The following CUX1 variants were observed in gnomAD, a reference collection of about 807,000 sequenced individuals.
The protein encoded by CUX1 is cut like homeobox 1.
Under a neutral mutation model 158.8 loss-of-function variants are expected in CUX1, and 31 were observed. The observed-to-expected ratio is 0.20, with a 90% CI of 0.15 to 0.26. CUX1 has a LOEUF of 0.26. Among genes scored for constraint, CUX1 ranks in the 10% least tolerant of loss-of-function variants. The probability of loss-of-function intolerance (pLI) is 1.00; values close to 1 mark genes in which losing one functional copy is unlikely to be tolerated. For synonymous variants in CUX1, 879 were observed against 862.1 expected (o/e 1.02, Z -0.34); for missense variants, 1,589 against 2,014.6 (o/e 0.79, Z 4.04).
chr7:102,210,188 C>T (rs1018268420), intron 20 of CUX1, among the ~76,000 whole-genome samples: 6 of 152,160 alleles, frequency 3.9e-5, no homozygotes, highest in African/African-American at 7.2e-5. Flanking sequence ...CCTACACCTC[C>T]GGGGTTCAAG....
chr7:102,195,636 G>A (rs782331123), intron 14 of CUX1, 33 bp downstream of exon 14: 5 of 1,564,948 alleles, frequency 3.2e-6, no homozygotes, highest in Non-Finnish European at 4.3e-6. Context: ...GTGTGCGGTG[G>A]TTGGTTCGCT....
At position 101,877,357 on chromosome 7, in the gene CUX1, GCCATGCACACTCTTGTGCA is replaced by G. The variant is rs1799249390; in HGVS notation, c.31-38757_31-38739del. Among the ~76,000 whole-genome samples the G allele has an allele frequency of 6.6e-5, 10 of 152,278 alleles. No homozygotes were observed. In the East Asian group the frequency reaches 1.7e-3, roughly 26 times the overall value. On this transcript the variant is annotated intron_variant, in intron 1 of 23. Coordinates refer to ENST00000292535, the MANE Select transcript of CUX1 (RefSeq NM_181552.4). ...CCTTTGTATGCACATAGTCTAGCAT[GCCATGCACACTCTTGTGCA>G]AGTGGCTTTTTATTTTTTAAAATTA...
intron 21 of CUX1, among the ~76,000 whole-genome samples, chr7:102,282,138 G>C (rs999250763): frequency 6.6e-6 from 1 of 152,176 alleles, no homozygotes; most frequent in Non-Finnish European, 1.5e-5. Flanking sequence ...CAGCCGGGCC[G>C]CTCCGTGAAA....
chr7:102,063,350 A>G (rs915416025), intron 3 of CUX1, among the ~76,000 whole-genome samples: 3 of 151,398 alleles, frequency 2.0e-5, no homozygotes, highest in African/African-American at 2.4e-5. Flanking sequence ...CTTACTACAC[A>G]GAGAACTCTT....
At chr7:101,950,806 C>G (rs1172166722) in intron 2 of CUX1, among the ~76,000 whole-genome samples, 1 of 152,202 alleles carries the variant, frequency 6.6e-6, no homozygotes, top group East Asian at 1.9e-4. Flanking sequence ...CCTGCCTTGC[C>G]TCCCAAAGTG....
chr7:102,282,914 C>T (rs1586548334), intron 22 of CUX1: 1 of 891,244 alleles, frequency 1.1e-6, no homozygotes, highest in East Asian at 2.7e-5. Context: ...TCCCCCTACC[C>T]CTACTCCCGG....
chr7:102,075,296 C>T (rs1269123911), intron 4 of CUX1, among the ~76,000 whole-genome samples: 1 of 152,212 alleles, frequency 6.6e-6, no homozygotes, highest in East Asian at 1.9e-4. Context: ...TACAGGGCGG[C>T]CAGACTCTTC....
At chr7:102,135,180 C>T (rs1260892440) in intron 8 of CUX1, among the ~76,000 whole-genome samples, 1 of 152,080 alleles carries the variant, frequency 6.6e-6, no homozygotes, top group East Asian at 1.9e-4. Context: ...GCTTTACTGA[C>T]AGCCTGCTAG....
intron 3 of CUX1, among the ~76,000 whole-genome samples, chr7:102,045,671 G>T (rs1416045079): frequency 6.6e-6 from 1 of 152,270 alleles, no homozygotes; most frequent in East Asian, 1.9e-4. Flanking sequence ...ATTGATTTCG[G>T]CCCAGAGCTC....
At chr7:101,874,178 C>A (rs1369135824) in intron 1 of CUX1, among the ~76,000 whole-genome samples, 1 of 152,196 alleles carries the variant, frequency 6.6e-6, no homozygotes, top group East Asian at 1.9e-4. Context: ...CGGATTATTG[C>A]AGGCAGGATG....
rs751045608 is a variant in CUX1 at position 102,242,280 on chromosome 7, C to T, written c.3887+2696C>T. The stretch of plus-strand genomic sequence containing the variant: ...AGGCTGGAGTACAGCAGCACGATCT[C>T]GGCTCACTGCAACCTCTGCCTCCTA... On this transcript the variant is annotated intron_variant, in intron 23 of 23. Transcript: ENST00000292535. Among the ~76,000 whole-genome samples the T allele has an allele frequency of 5.1e-4, 74 of 145,860 alleles. 1 individual carries two copies. The highest frequency in any genetic ancestry group is 9.4e-4 in the Non-Finnish European group (63 of 67,104).
At position 102,252,265 on chromosome 7, in the gene CUX1, G is replaced by A; in HGVS notation, c.*3223G>A. The A allele has an allele frequency of 1.0e-6, 1 of 985,390 alleles. No homozygotes were observed. Among genetic ancestry groups the A allele is most frequent in the Non-Finnish European group, 1.2e-6 (1 of 829,938 alleles). 61.0% of individuals were successfully genotyped at this position (985,390 alleles called of 1,614,324 possible). On this transcript the variant is annotated 3_prime_UTR_variant, in exon 24 of 24. Transcript: ENST00000292535. ...CCCCTCCTGGTTGGGCCCCTCAGTTGGAGTCTAAGGGTTAATCTCTCATCT... is the reference window on the plus strand; with the variant it reads ...CCCCTCCTGGTTGGGCCCCTCAGTTAGAGTCTAAGGGTTAATCTCTCATCT...
chr7:101,986,166 G>C (rs1441156184), intron 2 of CUX1, among the ~76,000 whole-genome samples: 1 of 152,212 alleles, frequency 6.6e-6, no homozygotes, highest in East Asian at 1.9e-4. Flanking sequence ...TGGTTTTAAG[G>C]TGTAATTTTG....
intron 1 of CUX1, among the ~76,000 whole-genome samples, chr7:101,908,354 C>T (rs1260380320): frequency 6.6e-6 from 1 of 152,246 alleles, no homozygotes; most frequent in Non-Finnish European, 1.5e-5. Flanking sequence ...CCATATTGGC[C>T]AGGCTGGTCT....
intron 1 of CUX1, among the ~76,000 whole-genome samples, chr7:101,909,476 A>C (rs780446037): frequency 1.4e-4 from 21 of 152,262 alleles, no homozygotes; most frequent in Non-Finnish European, 2.6e-4. Context: ...CCCTCCATTC[A>C]TCGAAATGAT....
chr7:102,200,257 T>C, intron 17 of CUX1, 85 bp downstream of exon 17: 1 of 809,620 alleles, frequency 1.2e-6, no homozygotes, highest in African/African-American at 4.3e-5. Context: ...TAATTAACTA[T>C]TTTTTTTTTA....
In CUX1 at chr7:102,257,353, T is replaced by C. The variant is rs1331487905; in HGVS notation, c.*8311T>C. On this transcript the variant is annotated 3_prime_UTR_variant, in exon 24 of 24. Coordinates refer to ENST00000292535, the MANE Select transcript of CUX1 (RefSeq NM_181552.4). ...TAATTAGTCTATGCATTTCTCTCTCTCAAACCATCTTCTGCCTCTTCCCTT... is the reference window on the plus strand; with the variant it reads ...TAATTAGTCTATGCATTTCTCTCTCCCAAACCATCTTCTGCCTCTTCCCTT... 3.0e-6 allele frequency: 3 copies of C among 984,398 alleles called. No homozygotes were observed. The highest frequency in any genetic ancestry group is 3.6e-6 in the Non-Finnish European group (3 of 829,752). 61.0% of individuals were successfully genotyped at this position (984,398 alleles called of 1,614,324 possible).
intron 2 of CUX1, among the ~76,000 whole-genome samples, chr7:101,972,262 G>C (rs181385411): frequency 1.3e-5 from 2 of 152,140 alleles, no homozygotes; most frequent in Non-Finnish European, 2.9e-5. Flanking sequence ...CACCGTGCCC[G>C]GGCCAGATCA....
chr7:102,191,007 CG>C (rs1794210226), intron 12 of CUX1, among the ~76,000 whole-genome samples: 1 of 152,164 alleles, frequency 6.6e-6, no homozygotes, highest in Non-Finnish European at 1.5e-5. Context: ...AAAAGCTCCT[CG>C]GGCATCCTCT....
Sources: allele counts gnomAD v4.1 joint callset (sites outside exome capture counted in the v4.1 genomes callset), GRCh38; gene constraint gnomAD v4.1.1; transcripts MANE v1.5; gene names NCBI Gene and HGNC (gene_info 2026-07-23, HGNC 2026-07-21).